PARP14: variants seen among roughly 807,000 people sequenced by gnomAD.
PARP14 encodes protein mono-ADP-ribosyltransferase PARP14.
PARP14 carries 59 observed loss-of-function variants against 154.2 expected under a neutral mutation model. That is an observed-to-expected ratio of 0.38 (90% CI 0.31 to 0.48). The LOEUF is 0.48. Ranked by LOEUF, PARP14 falls within the 20% of genes least tolerant of loss-of-function variation. PARP14 has a pLI of 0.98. For missense variants in PARP14, 1,734 were observed against 2,131.6 expected, an observed-to-expected ratio of 0.81 and a Z score of 3.67; for synonymous variants, 720 against 780.5, an observed-to-expected ratio of 0.92 and a Z score of 1.29.
chr3:122,717,303 C>A (rs1269179917), intron 12 of PARP14, among the ~76,000 whole-genome samples: 1 of 152,198 alleles, frequency 6.6e-6, no homozygotes, highest in Non-Finnish European at 1.5e-5. Context: ...AGCTGTTATT[C>A]ACATGGGACT....
At chr3:122,702,593 C>T (rs1382068001) in intron 6 of PARP14, among the ~76,000 whole-genome samples, 3 of 152,166 alleles carry the variant, frequency 2.0e-5, no homozygotes, top group Non-Finnish European at 2.9e-5. Context: ...TTATTATTCT[C>T]ACTTTACAGA....
rs1408271582 is a variant in PARP14 at position 122,718,686 on chromosome 3, A to C, written c.4535A>C (p.Glu1512Ala). 1 of 1,613,886 alleles carries C rather than the reference A, an allele frequency of 6.2e-7. No individual in the cohort carries two copies. The highest frequency in any genetic ancestry group is 1.1e-5 in the South Asian group (1 of 91,062). ...GTGATGCAGGCTAGAGATGAAATTG[A>C]GGCGATGATCAAGAGAGTTCGATTG... ...RDVMQARDEI[E>A]AMIKRVRLAK... is the part of the protein sequence containing the mutation. Residue 1512 changes from glutamate (E) to alanine (A), a missense_variant, in exon 14 of 17, where the codon GAG (glutamate) becomes GCG (alanine). Transcript: ENST00000474629.
chr3:122,707,307 G>T (rs575474703), intron 8 of PARP14, among the ~76,000 whole-genome samples: 1 of 151,374 alleles, frequency 6.6e-6, no homozygotes, highest in African/African-American at 2.4e-5. Flanking sequence ...CTTGAACCTG[G>T]GAGGCGGAGT....
chr3:122,692,223 C>A, intron 3 of PARP14, 78 bp from the exon 4 acceptor site: 2 of 1,252,982 alleles, frequency 1.6e-6, no homozygotes, highest in Non-Finnish European at 2.2e-6. Context: ...GAGGGCAGTG[C>A]CTTGTGATAA....
chr3:122,713,335 A>G lies in PARP14; in HGVS notation c.3620-89A>G, dbSNP rs552509135. On this transcript the variant is annotated intron_variant, in intron 9 of 16. Coordinates refer to ENST00000474629, the MANE Select transcript of PARP14 (RefSeq NM_017554.3). ...TCACAGAAAGAGAGGGAGAGGGAAG[A>G]CATCCAAGAGGGTCCCATGTGAGCA... 41 of 1,009,272 alleles carry G rather than the reference A, an allele frequency of 4.1e-5. No individual in the cohort carries two copies. In the African/African-American group the frequency reaches 6.5e-4, roughly 16 times the overall value. 62.5% of individuals were successfully genotyped at this position (1,009,272 alleles called of 1,614,324 possible).
At position 122,681,892 on chromosome 3, in the gene PARP14, C is replaced by G. The variant is rs1938220197; in HGVS notation, c.187+822C>G. ...GACCTGCAGCTCCCAGAATGGGCAC[C>G]TTTTCCACTGGCATCTTATGGATGA... On this transcript the variant is annotated intron_variant, in intron 1 of 16. Coordinates refer to ENST00000474629, the MANE Select transcript of PARP14 (RefSeq NM_017554.3). This position sits in a 1 kb window ranked among gnomAD's most constrained non-coding sequence, Gnocchi z 5.5. Among the ~76,000 whole-genome samples the G allele has an allele frequency of 6.6e-6, 1 of 152,168 alleles. No individual in the cohort carries two copies. The highest frequency in any genetic ancestry group is 1.5e-5 in the Non-Finnish European group (1 of 68,026).
chr3:122,729,865 G>A lies in PARP14; in HGVS notation c.*1268G>A, dbSNP rs1933383571. 1.3e-5 allele frequency: 2 copies of A among 152,154 alleles called. No individual in the cohort carries two copies. Among genetic ancestry groups the A allele is most frequent in the South Asian group, 4.1e-4 (2 of 4,832 alleles). 9.4% of individuals were successfully genotyped at this position (152,154 alleles called of 1,614,324 possible). A position where few individuals can be genotyped will look rare whatever the true frequency, so the allele number is the denominator to read the frequency against. ...GATTATTAAATAGTATATTTTCCTT[G>A]ACAGCCTAGCGTTTGATGATTTTAA... On this transcript the variant is annotated 3_prime_UTR_variant, in exon 17 of 17. Transcript: ENST00000474629.
chr3:122,721,375 T>A (rs1345575397), intron 15 of PARP14: 1 of 160,236 alleles, frequency 6.2e-6, no homozygotes, highest in Non-Finnish European at 1.4e-5. Context: ...GATCACGAGG[T>A]CAGGGGTTCA....
intron 9 of PARP14, 44 bp downstream of exon 9, chr3:122,708,312 A>G: frequency 1.9e-6 from 2 of 1,043,604 alleles, no homozygotes; most frequent in Non-Finnish European, 2.9e-6. Flanking sequence ...CTAGTTGCTA[A>G]GTAACTGTTC....
intron 12 of PARP14, among the ~76,000 whole-genome samples, chr3:122,715,639 TATCTATCTATCTATCG>T (rs1426721226): frequency 2.7e-4 from 41 of 149,722 alleles, no homozygotes; most frequent in African/African-American, 9.8e-4. Context: ...TCTATCTATC[TATCTATCTATCTATCG>T]ATCTGTCTAT....
chr3:122,703,760 T>G lies in PARP14; in HGVS notation c.3100T>G (p.Ser1034Ala), dbSNP rs1248720724. 1 of 1,606,022 alleles carries G rather than the reference T, an allele frequency of 6.2e-7. No individual in the cohort carries two copies. Among genetic ancestry groups the G allele is most frequent in the Non-Finnish European group, 8.5e-7 (1 of 1,175,924 alleles). Residue 1034 changes from serine to alanine, a missense_variant, in exon 7 of 17, where the codon TCC becomes GCC. Ser to Ala is a moderately conservative substitution (Grantham distance 99). Coordinates refer to ENST00000474629, the MANE Select transcript of PARP14 (RefSeq NM_017554.3). ...QNAKTDVVVN[S>A]VPLDLVLSRG... Reference sequence around the variant, plus strand: ...CTTTAAGACCGATGTTGTTGTCAACTCCGTTCCCTTGGATCTCGTGCTTAG... The same window carrying G: ...CTTTAAGACCGATGTTGTTGTCAACGCCGTTCCCTTGGATCTCGTGCTTAG...
Position 122,700,546 on chromosome 3 carries a change from C to T in PARP14, c.1992C>T (p.Phe664=), listed in dbSNP as rs534086113. Residue 664 remains phenylalanine, a synonymous_variant, in exon 6 of 17, where the codon TTC becomes TTT. Coordinates refer to ENST00000474629, the MANE Select transcript of PARP14 (RefSeq NM_017554.3). The part of the protein sequence containing the change: ...VNETYKLLFN[F]VEQNMKIERL... ...AAACCTATAAATTGCTTTTTAACTT[C>T]GTTGAACAAAACATGAAAATAGAGA... 30 of 1,595,678 alleles carry T rather than the reference C, an allele frequency of 1.9e-5. No individual in the cohort carries two copies. The highest frequency in any genetic ancestry group is 2.3e-5 in the South Asian group (2 of 88,514).
chr3:122,708,109 A>C (rs1012376717), intron 8 of PARP14, 81 bp from the exon 9 acceptor site: 1 of 701,732 alleles, frequency 1.4e-6, no homozygotes, highest in African/African-American at 1.8e-5. Context: ...GTATGTGTGC[A>C]TGCAGGACAA....
intron 11 of PARP14, 33 bp downstream of exon 11, chr3:122,713,967 G>A: frequency 4.1e-6 from 6 of 1,474,996 alleles, no homozygotes; most frequent in Non-Finnish European, 5.7e-6. Context: ...GTCCTAAGTT[G>A]TAATTGTATG....
At chr3:122,691,152 T>C (rs2668330) in intron 3 of PARP14, among the ~76,000 whole-genome samples, 105,169 of 152,210 alleles carry the variant, frequency 0.69, 37,861 homozygotes, top group African/African-American at 0.9. Flanking sequence ...GCATTTTATG[T>C]GGCCACTGCG....
At chr3:122,720,074 C>A (rs1933123336) in intron 14 of PARP14, among the ~76,000 whole-genome samples, 181 bp from the exon 15 acceptor site, 1 of 152,204 alleles carries the variant, frequency 6.6e-6, no homozygotes, top group South Asian at 2.1e-4. Flanking sequence ...GTTTAACAAG[C>A]ATTCCAGTTG....
At chr3:122,713,300 A>C in intron 9 of PARP14, 124 bp from the exon 10 acceptor site, 2 of 682,546 alleles carry the variant, frequency 2.9e-6, no homozygotes, top group East Asian at 2.7e-5. Flanking sequence ...GCCAGGTTAA[A>C]GACCAGAGGT....
chr3:122,690,948 A>G (rs1938521293), intron 3 of PARP14, among the ~76,000 whole-genome samples: 1 of 152,186 alleles, frequency 6.6e-6, no homozygotes, highest in Admixed American at 6.5e-5. Flanking sequence ...TTATCTTTAA[A>G]TGTGGTTTCC....
chr3:122,684,895 G>A (rs1212532203), intron 1 of PARP14, among the ~76,000 whole-genome samples: 5 of 152,132 alleles, frequency 3.3e-5, no homozygotes, highest in Non-Finnish European at 1.5e-5. Flanking sequence ...AATACACGTG[G>A]CACTCATACA....
Sources: allele counts gnomAD v4.1 joint callset (sites outside exome capture counted in the v4.1 genomes callset), GRCh38; gene constraint gnomAD v4.1.1; non-coding constraint Gnocchi (gnomAD v3.1); transcripts MANE v1.5; gene names NCBI Gene and HGNC (gene_info 2026-07-23, HGNC 2026-07-21).